Variants in PPARG observed in about 807,000 individuals in gnomAD.
PPARG encodes the protein peroxisome proliferator activated receptor gamma.
Under a neutral mutation model 39.2 loss-of-function variants are expected in PPARG, and 17 were observed. The ratio of observed to expected loss-of-function variants is 0.43; its 90% CI spans 0.30 to 0.65. The LOEUF is 0.65. Among genes scored for constraint, PPARG ranks in the 30% least tolerant of loss-of-function variants. The probability of loss-of-function intolerance (pLI) is 0.13; values close to 1 mark genes in which losing one functional copy is unlikely to be tolerated. For missense variants in PPARG, 406 were observed against 585.9 expected, an observed-to-expected ratio of 0.69 and a Z score of 3.17; for synonymous variants, 223 against 215.7, an observed-to-expected ratio of 1.03 and a Z score of -0.30.
chr3:12,298,298 CAAAAAAAAAAAAAAAA>C (rs58459399), intron 1 of PPARG, among the ~76,000 whole-genome samples: 49 of 41,358 alleles, frequency 1.2e-3, no homozygotes, highest in Admixed American at 3.0e-3. Context: ...GACTCTGTCT[CAAAAAAAAAAAAAAAA>C]AAAAAAAAAA....
intron 7 of PPARG, among the ~76,000 whole-genome samples, chr3:12,425,813 G>T (rs1383898637): frequency 6.6e-6 from 1 of 152,208 alleles, no homozygotes; most frequent in Non-Finnish European, 1.5e-5. Context: ...TAGAACGACA[G>T]GGGGCCTCTA....
At chr3:12,301,945 A>G (rs1476538039) in intron 1 of PPARG, 1 of 152,202 alleles carries the variant, frequency 6.6e-6, no homozygotes, top group Non-Finnish European at 1.5e-5. Flanking sequence ...ACATGTGTTC[A>G]AGTTGGTTCT....
At chr3:12,408,117 T>C (rs924441275) in intron 6 of PPARG, among the ~76,000 whole-genome samples, 1 of 152,216 alleles carries the variant, frequency 6.6e-6, no homozygotes, top group African/African-American at 2.4e-5. Context: ...CATAGTACTT[T>C]AGGAAGCTAG....
At chr3:12,415,736 T>A (rs1021592894) in intron 6 of PPARG, among the ~76,000 whole-genome samples, 1 of 152,200 alleles carries the variant, frequency 6.6e-6, no homozygotes, top group African/African-American at 2.4e-5. Flanking sequence ...CTTTGTGAAA[T>A]AGATGGCTTC....
chr3:12,400,709 A>G (rs143676101), intron 5 of PPARG, among the ~76,000 whole-genome samples: 1 of 152,354 alleles, frequency 6.6e-6, no homozygotes, highest in African/African-American at 2.4e-5. Flanking sequence ...CAAAAACTAG[A>G]CAAATACTGC....
intron 2 of PPARG, among the ~76,000 whole-genome samples, chr3:12,353,511 A>G (rs966390566): frequency 2.0e-5 from 3 of 152,196 alleles, no homozygotes; most frequent in African/African-American, 7.2e-5. Flanking sequence ...GGTATTTGGC[A>G]TGGGTACAGT....
rs1179244792 is a variant in PPARG, at chr3:12,406,550, T to TTTTTTTTTTTTTTTTTTTTTTTTTTTC, written c.729+476_729+477insTTTTTTTTTTTTTTTTTTTCTTTTTTT. On this transcript the variant is annotated intron_variant, in intron 6 of 7. Coordinates refer to ENST00000651735, the MANE Select transcript of PPARG (RefSeq NM_138711.6). Reference sequence around the variant, plus strand: ...GTTACCTCTTTTTTTTTTTTTTTTTTTTTTTTTGAGATGTCGTCTCACTTT... The same window carrying TTTTTTTTTTTTTTTTTTTTTTTTTTTC: ...GTTACCTCTTTTTTTTTTTTTTTTTTTTTTTTTTTTTTTTTTTTTTTTTTTTCTTTTTTTGAGATGTCGTCTCACTTT... The TTTTTTTTTTTTTTTTTTTTTTTTTTTC allele has an allele frequency of 1.3e-5, 2 of 156,664 alleles. 1 individual carries two copies. Among genetic ancestry groups the TTTTTTTTTTTTTTTTTTTTTTTTTTTC allele is most frequent in the Non-Finnish European group, 2.7e-5 (2 of 73,472 alleles). The allele number at this position is 156,664 out of a possible 1,614,324, so 9.7% of individuals were successfully genotyped here. A position where few individuals can be genotyped will look rare whatever the true frequency, so the allele number is the denominator to read the frequency against.
intron 2 of PPARG, among the ~76,000 whole-genome samples, chr3:12,365,157 C>T (rs541948624): frequency 6.6e-6 from 1 of 152,216 alleles, no homozygotes; most frequent in African/African-American, 2.4e-5. Flanking sequence ...AATGCAGCCA[C>T]TGATCTGACA....
intron 2 of PPARG, among the ~76,000 whole-genome samples, chr3:12,334,559 A>C (rs1294012533): frequency 6.6e-6 from 1 of 152,048 alleles, no homozygotes; most frequent in African/African-American, 2.4e-5. Context: ...TTAAGTTTAG[A>C]GTTTACTCCC....
At chr3:12,399,597 AAAG>A (rs1157217321) in intron 5 of PPARG, 49 of 161,496 alleles carry the variant, frequency 3.0e-4, no homozygotes, top group Middle Eastern at 5.5e-3. Flanking sequence ...TTTAAAAAAA[AAAG>A]AAAGAAAGAA....
At chr3:12,334,198 G>A (rs1453360754) in intron 2 of PPARG, among the ~76,000 whole-genome samples, 1 of 151,362 alleles carries the variant, frequency 6.6e-6, no homozygotes, top group African/African-American at 2.4e-5. Flanking sequence ...AAAGTTTGTT[G>A]ACTTGGCTTA....
At chr3:12,361,080 C>A (rs1412940633) in intron 2 of PPARG, among the ~76,000 whole-genome samples, 46 of 152,152 alleles carry the variant, frequency 3.0e-4, no homozygotes, top group Non-Finnish European at 1.0e-4. Flanking sequence ...CATTCTCTGT[C>A]TTTTTCACGT....
intron 6 of PPARG, among the ~76,000 whole-genome samples, chr3:12,411,730 T>C (rs141618019): frequency 7.9e-5 from 12 of 152,264 alleles, no homozygotes; most frequent in African/African-American, 2.6e-4. Context: ...AGACCCCTTA[T>C]GTCCTATAAA....
intron 5 of PPARG, among the ~76,000 whole-genome samples, chr3:12,398,517 A>G (rs1190111577): frequency 6.6e-6 from 1 of 152,222 alleles, no homozygotes; most frequent in African/African-American, 2.4e-5. Flanking sequence ...GGAGGATGTG[A>G]AAAATAAGGC....
intron 2 of PPARG, among the ~76,000 whole-genome samples, chr3:12,323,204 A>G (rs12631389): frequency 0.26 from 38,828 of 152,096 alleles, 5,081 homozygotes; most frequent in East Asian, 0.33. Flanking sequence ...TAAATAGAGA[A>G]ATGGAGGTAT....
chr3:12,298,298 CAAAAAAAA>C (rs58459399), intron 1 of PPARG, among the ~76,000 whole-genome samples: 427 of 41,340 alleles, frequency 0.01, 2 homozygotes, highest in African/African-American at 0.042. Context: ...GACTCTGTCT[CAAAAAAAA>C]AAAAAAAAAA....
intron 7 of PPARG, among the ~76,000 whole-genome samples, chr3:12,427,758 T>C (rs912783361): frequency 1.3e-5 from 2 of 152,172 alleles, no homozygotes; most frequent in Non-Finnish European, 1.5e-5. Context: ...TAAAGGAAAC[T>C]TGAGAGGAAG....
intron 2 of PPARG, among the ~76,000 whole-genome samples, chr3:12,340,423 T>A (rs2048149487): frequency 6.6e-6 from 1 of 152,234 alleles, no homozygotes; most frequent in Non-Finnish European, 1.5e-5. Context: ...TTTATTTTTA[T>A]TTTTATTGCG....
At chr3:12,346,735 A>G (rs112537021) in intron 2 of PPARG, among the ~76,000 whole-genome samples, 32 of 152,018 alleles carry the variant, frequency 2.1e-4, no homozygotes, top group African/African-American at 7.5e-4. Flanking sequence ...CCTGGGCTCA[A>G]GCATCCCTCC....
Sources: gnomAD v4.1 joint callset for allele counts (sites outside exome capture counted in the v4.1 genomes callset) on GRCh38, gnomAD v4.1.1 for gene constraint, MANE v1.5 for transcripts, NCBI Gene and HGNC (gene_info 2026-07-23, HGNC 2026-07-21) for gene names.